Variants in MCCC2 observed in about 807,000 individuals in gnomAD.
The protein encoded by MCCC2 is methylcrotonoyl-CoA carboxylase beta chain, mitochondrial.
In MCCC2, 52 loss-of-function variants were observed where a neutral mutation model predicts 77.2. The observed-to-expected ratio is 0.67, with a 90% CI of 0.54 to 0.85. MCCC2 has a LOEUF of 0.85. Ranked by LOEUF, MCCC2 falls within the 40% of genes least tolerant of loss-of-function variation. The pLI is 0.00. For missense variants in MCCC2, 682 were observed against 703.2 expected (o/e 0.97, Z 0.34); for synonymous variants, 253 against 248.4 (o/e 1.02, Z -0.18).
chr5:71,626,255 C>T (rs1031828224), intron 6 of MCCC2, among the ~76,000 whole-genome samples: 6 of 152,152 alleles, frequency 3.9e-5, no homozygotes, highest in Non-Finnish European at 7.3e-5. Context: ...TGTGAGGTAA[C>T]TGGCAAATGT....
chr5:71,589,618 G>C (rs1047995235), intron 1 of MCCC2, among the ~76,000 whole-genome samples: 2 of 152,222 alleles, frequency 1.3e-5, no homozygotes, highest in Non-Finnish European at 2.9e-5. Flanking sequence ...CCATGAGGGT[G>C]GGGGAGAATG....
chr5:71,618,950 G>A (rs1241161335), intron 6 of MCCC2, among the ~76,000 whole-genome samples: 1 of 152,110 alleles, frequency 6.6e-6, no homozygotes, highest in Non-Finnish European at 1.5e-5. Flanking sequence ...TAAGCAACAA[G>A]GTTTTTGTTT....
chr5:71,587,367 A>C lies in MCCC2; in HGVS notation c.-59A>C. ...CTTCCGCCCCAGCCAGGGAAGCGGCAGGGGAAAGCACCGGCTCCAGGCCAG... is the reference window on the plus strand; with the variant it reads ...CTTCCGCCCCAGCCAGGGAAGCGGCCGGGGAAAGCACCGGCTCCAGGCCAG... On this transcript the variant is annotated 5_prime_UTR_variant, in exon 1 of 17. Transcript: ENST00000340941. The C allele has an allele frequency of 1.3e-6, 2 of 1,520,298 alleles. No homozygotes were observed. Among genetic ancestry groups the C allele is most frequent in the Non-Finnish European group, 8.8e-7 (1 of 1,139,924 alleles). The allele number at this position is 1,520,298 out of a possible 1,614,324, so 94.2% of individuals were successfully genotyped here.
At chr5:71,594,527 C>A (rs968339286) in intron 2 of MCCC2, among the ~76,000 whole-genome samples, 607 of 122,998 alleles carry the variant, frequency 4.9e-3, no homozygotes, top group Non-Finnish European at 4.9e-3. Flanking sequence ...AATTCCGTCT[C>A]AAAAAAAAAA....
At position 71,592,307 on chromosome 5, in the gene MCCC2, G is replaced by T. The variant is rs1745012974; in HGVS notation, c.130-619G>T. On this transcript the variant is annotated intron_variant, in intron 1 of 16. Coordinates refer to ENST00000340941, the MANE Select transcript of MCCC2 (RefSeq NM_022132.5). ...GAGGCAGGAGAATCGCTTGATCTCG[G>T]GAGGCGGAGGTTGCAGTGAGCCGAG... Among the ~76,000 whole-genome samples the T allele has an allele frequency of 1.3e-5, 2 of 152,144 alleles. 1 individual carries two copies. The highest frequency in any genetic ancestry group is 4.8e-5 in the African/African-American group (2 of 41,436).
intron 16 of MCCC2, among the ~76,000 whole-genome samples, chr5:71,654,567 T>C: frequency 6.6e-6 from 1 of 152,024 alleles, no homozygotes; most frequent in Non-Finnish European, 1.5e-5. Context: ...GTTTTTTTTT[T>C]CCACATAAGA....
In MCCC2 at chr5:71,602,644, A is replaced by G; in HGVS notation, c.511+11A>G. 6.2e-7 allele frequency: 1 copy of G among 1,614,212 alleles called. No individual in the cohort carries two copies. The highest frequency in any genetic ancestry group is 1.1e-5 in the South Asian group (1 of 91,088). Reference sequence around the variant, plus strand: ...CCTGCATCTACTTAGGCAAGTCACCAGAGTGGTAAAATAAACTATTATTAG... The same window carrying G: ...CCTGCATCTACTTAGGCAAGTCACCGGAGTGGTAAAATAAACTATTATTAG... On this transcript the variant is annotated intron_variant, in intron 5 of 16. Coordinates refer to ENST00000340941, the MANE Select transcript of MCCC2 (RefSeq NM_022132.5).
Position 71,604,344 on chromosome 5 carries a change from T to A in MCCC2, c.512-12T>A. On this transcript the variant is annotated splice_polypyrimidine_tract_variant and intron_variant, in intron 5 of 16. Transcript: ENST00000340941. ...CATAGAGATGCTTATGTTTCTCATT[T>A]CTTGTCTTCAGTTGATTCGGGAGGA... 1 of 1,609,178 alleles carries A rather than the reference T, an allele frequency of 6.2e-7. No homozygotes were observed. The highest frequency in any genetic ancestry group is 8.5e-7 in the Non-Finnish European group (1 of 1,175,476).
intron 8 of MCCC2, among the ~76,000 whole-genome samples, chr5:71,633,759 A>T (rs1320609986): frequency 6.6e-6 from 1 of 152,182 alleles, no homozygotes; most frequent in African/African-American, 2.4e-5. Context: ...TATTTTAAAT[A>T]TTTACTGATT....
intron 16 of MCCC2, among the ~76,000 whole-genome samples, 177 bp downstream of exon 16, chr5:71,652,931 A>G (rs1747479414): frequency 6.6e-6 from 1 of 152,214 alleles, no homozygotes; most frequent in Non-Finnish European, 1.5e-5. Flanking sequence ...TACTGCTGAA[A>G]TGCCACCCCT....
chr5:71,655,959 A>T (rs1277680102), intron 16 of MCCC2, among the ~76,000 whole-genome samples: 1 of 152,238 alleles, frequency 6.6e-6, no homozygotes, highest in African/African-American at 2.4e-5. Context: ...TCACGCCTGT[A>T]ATCGCAGCAC....
intron 2 of MCCC2, among the ~76,000 whole-genome samples, chr5:71,594,355 C>T (rs1025256744): frequency 6.6e-6 from 1 of 151,966 alleles, no homozygotes; most frequent in South Asian, 2.1e-4. Flanking sequence ...ATGGTGAAAC[C>T]CTGTCTCTAC....
rs1377596246 is a variant in MCCC2 at position 71,657,729 on chromosome 5, A to C, written c.*869A>C. On this transcript the variant is annotated 3_prime_UTR_variant, in exon 17 of 17. Transcript: ENST00000340941. The stretch of plus-strand genomic sequence containing the variant: ...GGTGTGAGCCACCGCGCCTGACCAC[A>C]TCTCCTTATTCTTAAATGTATGTGT... The C allele has an allele frequency of 6.6e-6, 1 of 151,908 alleles. No homozygotes were observed. Among genetic ancestry groups the C allele is most frequent in the Non-Finnish European group, 1.5e-5 (1 of 68,006 alleles). 9.4% of individuals were successfully genotyped at this position (151,908 alleles called of 1,614,324 possible). A position where few individuals can be genotyped will look rare whatever the true frequency, so the allele number is the denominator to read the frequency against.
chr5:71,601,374 C>T (rs1211187389), intron 4 of MCCC2, among the ~76,000 whole-genome samples: 1 of 152,198 alleles, frequency 6.6e-6, no homozygotes, highest in Non-Finnish European at 1.5e-5. Context: ...TATGAGCACA[C>T]ACTCTGGAGT....
intron 5 of MCCC2, chr5:71,602,881 G>GTTT: frequency 4.5e-5 from 18 of 396,798 alleles, no homozygotes; most frequent in Non-Finnish European, 6.7e-5. Flanking sequence ...GTGTTGTGTG[G>GTTT]TTTTTTTTTT....
intron 10 of MCCC2, chr5:71,635,796 C>A: frequency 5.9e-6 from 1 of 169,978 alleles, no homozygotes; most frequent in Non-Finnish European, 1.3e-5. Context: ...CCATAGTTGG[C>A]AGAGTAGTTT....
intron 16 of MCCC2, among the ~76,000 whole-genome samples, chr5:71,656,336 A>C (rs1014775152): frequency 1.3e-5 from 2 of 152,198 alleles, no homozygotes; most frequent in Non-Finnish European, 2.9e-5. Flanking sequence ...GTAAAGTTTG[A>C]GGTTATTACC....
At chr5:71,630,481 T>C (rs1362282301) in intron 7 of MCCC2, among the ~76,000 whole-genome samples, 3 of 152,216 alleles carry the variant, frequency 2.0e-5, no homozygotes, top group East Asian at 3.8e-4. Context: ...TCTTATTTTT[T>C]TTTTTGGTTG....
intron 6 of MCCC2, among the ~76,000 whole-genome samples, chr5:71,614,029 TAC>T (rs35292468): frequency 2.0e-5 from 3 of 148,306 alleles, no homozygotes; most frequent in African/African-American, 5.0e-5. Context: ...ACGTATATAA[TAC>T]ACACACACAC....
Sources: allele counts gnomAD v4.1 joint callset (sites outside exome capture counted in the v4.1 genomes callset), GRCh38; gene constraint gnomAD v4.1.1; transcripts MANE v1.5; gene names NCBI Gene and HGNC (gene_info 2026-07-23, HGNC 2026-07-21).